NCK1: variants seen among roughly 807,000 people sequenced by gnomAD.
The protein encoded by NCK1 is SH2/SH3 adapter protein NCK1.
A neutral mutation model predicts 36.6 loss-of-function variants in NCK1; 19 were observed. The observed-to-expected ratio is 0.52, with a 90% CI of 0.36 to 0.76. The LOEUF is 0.76. Among genes scored for constraint, NCK1 ranks in the 30% least tolerant of loss-of-function variants. The probability of loss-of-function intolerance (pLI) is 0.00; values close to 1 mark genes in which losing one functional copy is unlikely to be tolerated. For missense variants in NCK1, 358 were observed against 445.6 expected, an observed-to-expected ratio of 0.80 and a Z score of 1.77; for synonymous variants, 165 against 156.0, an observed-to-expected ratio of 1.06 and a Z score of -0.43.
intron 1 of NCK1, among the ~76,000 whole-genome samples, chr3:136,892,659 G>T (rs1939278971): frequency 6.6e-6 from 1 of 150,724 alleles, no homozygotes; most frequent in Non-Finnish European, 1.5e-5. Flanking sequence ...TGCCAAACAG[G>T]CCTGTAAGAC....
intron 3 of NCK1, 138 bp downstream of exon 3, chr3:136,946,433 C>G (rs933503503): frequency 7.0e-6 from 5 of 714,718 alleles, no homozygotes; most frequent in Non-Finnish European, 1.1e-5. Flanking sequence ...CATAAATGTT[C>G]CAAAGCTAAA....
intron 1 of NCK1, among the ~76,000 whole-genome samples, chr3:136,903,177 A>G (rs1297892492): frequency 6.6e-6 from 1 of 151,864 alleles, no homozygotes; most frequent in African/African-American, 2.4e-5. Context: ...CTCCTCCTGA[A>G]TTTTTCCCTT....
chr3:136,865,114 C>T (rs9819804), intron 1 of NCK1, among the ~76,000 whole-genome samples: 103,165 of 151,934 alleles, frequency 0.68, 35,360 homozygotes, highest in East Asian at 0.87. Flanking sequence ...CCTGCCACCA[C>T]GCCTGACTAA....
intron 1 of NCK1, among the ~76,000 whole-genome samples, chr3:136,917,665 T>C (rs563236083): frequency 6.6e-6 from 1 of 152,338 alleles, no homozygotes; most frequent in Non-Finnish European, 1.5e-5. Context: ...ATTTTACTTT[T>C]GAGGGTCAAG....
rs1940294747 is a variant in NCK1, at chr3:136,928,181, C to T, written c.180C>T (p.Asn60=). 1 of 1,614,152 alleles carries T rather than the reference C, an allele frequency of 6.2e-7. No homozygotes were observed. Among genetic ancestry groups the T allele is most frequent in the Non-Finnish European group, 8.5e-7 (1 of 1,180,028 alleles). Residue 60 remains asparagine, a synonymous_variant, in exon 2 of 4, where the codon AAC becomes AAT. Transcript: ENST00000481752. ...CTTCTAACTATGTGGAAAGGAAAAA[C>T]AGTGCTCGGAAAGCATCTATTGTGA... is the stretch of plus-strand genomic sequence containing the variant. ...FVPSNYVERK[N]SARKASIVKN...
At chr3:136,913,025 T>C (rs1301693981) in intron 1 of NCK1, among the ~76,000 whole-genome samples, 1 of 152,178 alleles carries the variant, frequency 6.6e-6, no homozygotes, top group Non-Finnish European at 1.5e-5. Context: ...CTTGCCTTTC[T>C]CTGTGTCTTC....
intron 1 of NCK1, among the ~76,000 whole-genome samples, chr3:136,925,416 C>G (rs1940212469): frequency 6.6e-6 from 1 of 152,162 alleles, no homozygotes; most frequent in Non-Finnish European, 1.5e-5. Context: ...CCAGTGTATG[C>G]TTTCCTCCAG....
intron 1 of NCK1, among the ~76,000 whole-genome samples, chr3:136,925,066 C>T (rs769519595): frequency 2.6e-5 from 4 of 152,140 alleles, no homozygotes; most frequent in Non-Finnish European, 5.9e-5. Flanking sequence ...ATTCATTATA[C>T]TATTCTCTTC....
intron 1 of NCK1, among the ~76,000 whole-genome samples, chr3:136,875,327 G>A (rs1444157500): frequency 2.0e-5 from 3 of 151,914 alleles, no homozygotes; most frequent in Non-Finnish European, 4.4e-5. Flanking sequence ...CTGCAAACAG[G>A]GACAATTTGA....
Position 136,948,350 on chromosome 3 carries a change from G to GT in NCK1, c.1032dup (p.Lys345Ter), listed in dbSNP as rs1560058105. The GT allele has an allele frequency of 6.2e-7, 1 of 1,613,038 alleles. No homozygotes were observed. The highest frequency in any genetic ancestry group is 8.5e-7 in the Non-Finnish European group (1 of 1,179,370). ...GAGACTGTCTACTGCATTGGGCAGCGTAAATTCAGCACCATGGAAGAACTT... is the reference window on the plus strand; with the variant it reads ...GAGACTGTCTACTGCATTGGGCAGCGTTAAATTCAGCACCATGGAAGAACTT... On this transcript the variant is annotated frameshift_variant, in exon 4 of 4. Coordinates refer to ENST00000481752, the MANE Select transcript of NCK1 (RefSeq NM_001291999.2). LOFTEE classifies it high-confidence loss of function.
chr3:136,867,070 TTC>T (rs1219243540), intron 1 of NCK1, among the ~76,000 whole-genome samples: 12 of 348 alleles, frequency 0.034, 2 homozygotes, highest in Non-Finnish European at 0.091. Flanking sequence ...CTTTCTTTCT[TTC>T]TTTCTTTCTT....
chr3:136,874,726 G>T (rs971855065), intron 1 of NCK1, among the ~76,000 whole-genome samples: 1 of 151,216 alleles, frequency 6.6e-6, no homozygotes, highest in African/African-American at 2.4e-5. Flanking sequence ...TGTTTGTTTT[G>T]TTTTTTGTTT....
chr3:136,868,049 C>G (rs1448607141), intron 1 of NCK1, among the ~76,000 whole-genome samples: 1 of 152,028 alleles, frequency 6.6e-6, no homozygotes, highest in African/African-American at 2.4e-5. Context: ...TCCTGAGGAG[C>G]TGGGATCACA....
intron 1 of NCK1, among the ~76,000 whole-genome samples, chr3:136,870,427 T>C (rs1938579652): frequency 6.6e-6 from 1 of 151,432 alleles, no homozygotes; most frequent in Admixed American, 6.6e-5. Context: ...AAATAATAGA[T>C]ACAACAAATA....
intron 1 of NCK1, among the ~76,000 whole-genome samples, chr3:136,864,256 G>T (rs1303283756): frequency 1.3e-5 from 2 of 151,884 alleles, no homozygotes; most frequent in Admixed American, 1.3e-4. Context: ...ACTTTGGGAG[G>T]CCGAGGCAGG....
chr3:136,939,335 TTTTA>T (rs200060986), intron 2 of NCK1, among the ~76,000 whole-genome samples: 230 of 152,286 alleles, frequency 1.5e-3, no homozygotes, highest in African/African-American at 5.2e-3. Context: ...TTATTTCTGA[TTTTA>T]TTTATTTGAG....
chr3:136,893,185 T>TGGAC (rs1939297636), intron 1 of NCK1, among the ~76,000 whole-genome samples: 1 of 19,468 alleles, frequency 5.1e-5, no homozygotes, highest in African/African-American at 1.5e-4. Flanking sequence ...TGTGTATATA[T>TGGAC]ATATATACAC....
intron 1 of NCK1, among the ~76,000 whole-genome samples, chr3:136,912,045 TA>T (rs1419086066): frequency 3.3e-5 from 5 of 152,140 alleles, no homozygotes; most frequent in Non-Finnish European, 7.3e-5. Flanking sequence ...GGATAGATTA[TA>T]ATGTGTCTTG....
At chr3:136,934,506 G>A (rs545604994) in intron 2 of NCK1, among the ~76,000 whole-genome samples, 85 of 152,068 alleles carry the variant, frequency 5.6e-4, no homozygotes, top group African/African-American at 1.8e-3. Flanking sequence ...GGCTGGTCTC[G>A]AACTCCCAAC....
Sources: allele counts gnomAD v4.1 joint callset (sites outside exome capture counted in the v4.1 genomes callset), GRCh38; gene constraint gnomAD v4.1.1; transcripts MANE v1.5; gene names NCBI Gene and HGNC (gene_info 2026-07-23, HGNC 2026-07-21).